Variants in AGBL4 observed in about 807,000 individuals in gnomAD.
AGBL4 encodes the protein cytosolic carboxypeptidase 6.
AGBL4 carries 58 observed loss-of-function variants against 66.4 expected under a neutral mutation model. The observed-to-expected ratio is 0.87, with a 90% CI of 0.71 to 1.09. AGBL4 has a LOEUF of 1.09. AGBL4 is among the 50% of genes least tolerant of loss of function. AGBL4 has a pLI of 0.00. For synonymous variants in AGBL4, 234 were observed against 222.9 expected (o/e 1.05, Z -0.44); for missense variants, 579 against 631.0 (o/e 0.92, Z 0.88).
intron 6 of AGBL4, among the ~76,000 whole-genome samples, chr1:48,837,014 ATAT>A (rs1268601751): frequency 5.4e-5 from 8 of 148,218 alleles, no homozygotes; most frequent in African/African-American, 7.3e-5. Flanking sequence ...ATATATAGTA[ATAT>A]TATATAACAT....
chr1:49,482,019 C>T (rs561096008), intron 3 of AGBL4, among the ~76,000 whole-genome samples: 4 of 149,942 alleles, frequency 2.7e-5, no homozygotes, highest in East Asian at 1.9e-4. Flanking sequence ...CTGCTGTACT[C>T]GGTTTGCCAG....
intron 2 of AGBL4, among the ~76,000 whole-genome samples, chr1:49,774,198 G>A (rs1000681136): frequency 1.3e-5 from 2 of 152,200 alleles, no homozygotes; most frequent in African/African-American, 4.8e-5. Context: ...AGGATTGGAG[G>A]ACCACCCTGT....
At chr1:49,887,581 G>A (rs1163349666) in intron 1 of AGBL4, among the ~76,000 whole-genome samples, 1 of 152,076 alleles carries the variant, frequency 6.6e-6, no homozygotes, top group Non-Finnish European at 1.5e-5. Flanking sequence ...CTTAAGCAGT[G>A]AGTATTTTCA....
intron 2 of AGBL4, among the ~76,000 whole-genome samples, chr1:49,778,935 A>T (rs1348855767): frequency 6.6e-6 from 1 of 152,204 alleles, no homozygotes; most frequent in Non-Finnish European, 1.5e-5. Flanking sequence ...AAACATGCAC[A>T]TGTATCCCCT....
intron 2 of AGBL4, among the ~76,000 whole-genome samples, chr1:49,702,961 GA>G (rs1364236247): frequency 6.6e-6 from 1 of 151,916 alleles, no homozygotes; most frequent in African/African-American, 2.4e-5. Flanking sequence ...GAGTATATTT[GA>G]AAAACACACA....
intron 6 of AGBL4, among the ~76,000 whole-genome samples, chr1:48,745,808 T>A (rs1650645717): frequency 6.6e-6 from 1 of 152,188 alleles, no homozygotes; most frequent in Non-Finnish European, 1.5e-5. Context: ...ACTGTTTAGT[T>A]GACTTGTGAC....
intron 5 of AGBL4, among the ~76,000 whole-genome samples, chr1:48,907,002 T>C (rs1168595465): frequency 6.6e-6 from 1 of 152,192 alleles, no homozygotes; most frequent in Non-Finnish European, 1.5e-5. Context: ...TGAGGTAAGA[T>C]GACAAGAACT....
Position 48,736,193 on chromosome 1 carries a change from G to C in AGBL4, c.635-72952C>G. ...TTGTGCCTAACACATTCTTGACAGA[G>C]TAAAAGACAGAATCCCAGCCATTGT... On this transcript the variant is annotated intron_variant, in intron 6 of 13. Coordinates refer to ENST00000371839, the MANE Select transcript of AGBL4 (RefSeq NM_032785.4). The surrounding 1 kb of genome is among the most constrained non-coding windows in gnomAD (Gnocchi z 4.0). 1 of 1,562,906 alleles carries C rather than the reference G, an allele frequency of 6.4e-7. No homozygotes were observed. The highest frequency in any genetic ancestry group is 8.8e-7 in the Non-Finnish European group (1 of 1,133,762).
intron 4 of AGBL4, among the ~76,000 whole-genome samples, chr1:49,115,926 A>AT (rs1645510393): frequency 6.6e-6 from 1 of 152,178 alleles, no homozygotes; most frequent in African/African-American, 2.4e-5. Flanking sequence ...ATTTGAAGAA[A>AT]TGCTGTATCT....
At chr1:49,421,554 G>A (rs1645547102) in intron 3 of AGBL4, among the ~76,000 whole-genome samples, 1 of 152,124 alleles carries the variant, frequency 6.6e-6, no homozygotes, top group Admixed American at 6.5e-5. Flanking sequence ...GAGAAAAAAC[G>A]AAGAAATAAC....
chr1:49,648,606 A>T (rs982628560), intron 3 of AGBL4, among the ~76,000 whole-genome samples: 4 of 152,096 alleles, frequency 2.6e-5, no homozygotes, highest in African/African-American at 4.8e-5. Context: ...GAAAAATCCA[A>T]AAAGAATACA....
At chr1:48,885,993 C>T (rs1479891199) in intron 5 of AGBL4, among the ~76,000 whole-genome samples, 14 of 152,192 alleles carry the variant, frequency 9.2e-5, no homozygotes, top group Admixed American at 9.2e-4. Flanking sequence ...AAGCCTCTGC[C>T]AGGACCCACG....
chr1:49,069,479 T>C (rs902013151), intron 4 of AGBL4, among the ~76,000 whole-genome samples: 8 of 151,978 alleles, frequency 5.3e-5, no homozygotes, highest in African/African-American at 1.5e-4. Context: ...CACCACTTAT[T>C]AAATAGGGAA....
At chr1:48,617,713 G>A (rs910219260) in intron 9 of AGBL4, among the ~76,000 whole-genome samples, 2 of 152,050 alleles carry the variant, frequency 1.3e-5, no homozygotes, top group South Asian at 2.1e-4. Context: ...GTGGCCTTCC[G>A]TCTGCCACTT....
chr1:49,768,533 A>C (rs1571525167), intron 2 of AGBL4, among the ~76,000 whole-genome samples: 1 of 152,188 alleles, frequency 6.6e-6, no homozygotes, highest in East Asian at 1.9e-4. Flanking sequence ...CATCCAAATG[A>C]TAAGAGCCAT....
At chr1:49,290,340 G>A (rs1269407302) in intron 3 of AGBL4, among the ~76,000 whole-genome samples, 1 of 152,176 alleles carries the variant, frequency 6.6e-6, no homozygotes. Flanking sequence ...GCAGCGATCT[G>A]AGGACAAGTT....
At chr1:48,637,183 G>T (rs752966326) in intron 8 of AGBL4, among the ~76,000 whole-genome samples, 2 of 152,114 alleles carry the variant, frequency 1.3e-5, no homozygotes, top group Non-Finnish European at 2.9e-5. Flanking sequence ...TGTTTTTATT[G>T]GTCTGTATTA....
At chr1:48,717,069 G>A (rs1647063334) in intron 6 of AGBL4, among the ~76,000 whole-genome samples, 1 of 152,250 alleles carries the variant, frequency 6.6e-6, no homozygotes, top group Non-Finnish European at 1.5e-5. Context: ...CTACACAGAA[G>A]AGCAGGCGCG....
intron 3 of AGBL4, among the ~76,000 whole-genome samples, chr1:49,513,923 A>G (rs1649508480): frequency 6.6e-6 from 1 of 152,032 alleles, no homozygotes; most frequent in African/African-American, 2.4e-5. Context: ...TTCCTTGCAC[A>G]AGGACTCCAT....
Sources: allele counts gnomAD v4.1 joint callset (sites outside exome capture counted in the v4.1 genomes callset), GRCh38; gene constraint gnomAD v4.1.1; non-coding constraint Gnocchi (gnomAD v3.1); transcripts MANE v1.5; gene names NCBI Gene and HGNC (gene_info 2026-07-23, HGNC 2026-07-21).